The following GLCE variants were observed in gnomAD, a reference collection of about 807,000 sequenced individuals.
GLCE encodes the protein glucuronic acid epimerase.
In GLCE, 19 loss-of-function variants were observed where a neutral mutation model predicts 47.9. The observed-to-expected ratio is 0.40, with a 90% CI of 0.28 to 0.58. GLCE has a LOEUF of 0.58. GLCE is among the 20% of genes least tolerant of loss of function. The pLI, the probability that GLCE is intolerant of heterozygous loss-of-function variation, is 0.48. For missense variants in GLCE, 556 were observed against 743.3 expected (o/e 0.75, Z 2.93); for synonymous variants, 245 against 263.4 (o/e 0.93, Z 0.68).
rs142170119 is a variant in GLCE, at chr15:69,254,943, A to G, written c.-13-851A>G. Among the ~76,000 whole-genome samples, 644 of 152,236 alleles carry G rather than the reference A, an allele frequency of 4.2e-3. 1 individual carries two copies. Among genetic ancestry groups the G allele is most frequent in the Middle Eastern group, 0.01 (3 of 294 alleles). On this transcript the variant is annotated intron_variant, in intron 2 of 4. Transcript: ENST00000261858. ...GCCCTAAGGTACTCTAACATTTAAG[A>G]ATTAGGGAGATGAAAAGGAAGACTC...
intron 4 of GLCE, among the ~76,000 whole-genome samples, chr15:69,263,453 G>A (rs950271658): frequency 1.3e-5 from 2 of 151,470 alleles, no homozygotes; most frequent in African/African-American, 4.9e-5. Context: ...CTTGGCCTTC[G>A]ATTTTTTTTT....
chr15:69,175,245 A>AAAAAT lies in GLCE; in HGVS notation c.-105+14490_-105+14491insAATAA, dbSNP rs1408530277. Among the ~76,000 whole-genome samples, 6 of 152,294 alleles carry AAAAAT rather than the reference A, an allele frequency of 3.9e-5. No individual in the cohort carries two copies. The East Asian group carries it at 9.6e-4, about 24-fold the overall frequency. On this transcript the variant is annotated intron_variant, in intron 1 of 4. Transcript: ENST00000261858. Reference sequence around the variant, plus strand: ...CCACTTTAAAAATGAAAAATAAGAAAAAGATTTTTCCATCATCCTCACATT... The same window carrying AAAAAT: ...CCACTTTAAAAATGAAAAATAAGAAAAAAATAAGATTTTTCCATCATCCTCACATT...
At chr15:69,223,091 A>G (rs987820981) in intron 2 of GLCE, among the ~76,000 whole-genome samples, 5 of 152,236 alleles carry the variant, frequency 3.3e-5, no homozygotes, top group African/African-American at 1.2e-4. Context: ...TAGGTTGTAT[A>G]GAAAACAAAA....
intron 4 of GLCE, chr15:69,266,803 T>A: frequency 1.8e-6 from 1 of 570,028 alleles, no homozygotes; most frequent in Non-Finnish European, 2.2e-6. Context: ...AAACCTGGAT[T>A]CTAGTCCCTG....
rs754696597 is a variant in GLCE at position 69,256,298 on chromosome 15, G to C, written c.492G>C (p.Gln164His). The C allele has an allele frequency of 6.2e-7, 1 of 1,613,996 alleles. No individual in the cohort carries two copies. The highest frequency in any genetic ancestry group is 1.1e-5 in the South Asian group (1 of 91,068). Residue 164 changes from glutamine to histidine, a missense_variant, in exon 3 of 5, where the codon CAG (glutamine) becomes CAC (histidine). By Grantham distance (24) the Gln-to-His change is conservative. Coordinates refer to ENST00000261858, the MANE Select transcript of GLCE (RefSeq NM_015554.3). ...ATAGCTATTCCAAAGTCTATGCACA[G>C]AGAGCCCCCTATCACCCCGATGGTG... ...FSHSYSKVYA[Q>H]RAPYHPDGVF... is the part of the protein sequence containing the mutation.
rs770703255 is a variant in GLCE, at chr15:69,255,935, G to A, written c.129G>A (p.Ser43=). Residue 43 remains serine, a synonymous_variant, in exon 3 of 5, where the codon TCG becomes TCA. Transcript: ENST00000261858. ...AAGCAATCCAGTTTCCACGGCGTTC[G>A]AGTAGTGGCTTCAGAGTGGATGGGT... The part of the protein sequence containing the change: ...SDKAIQFPRR[S]SSGFRVDGFE... The A allele has an allele frequency of 8.7e-5, 141 of 1,613,886 alleles. No individual in the cohort carries two copies. In the South Asian group the frequency reaches 1.4e-3, roughly 16 times the overall value.
intron 1 of GLCE, among the ~76,000 whole-genome samples, chr15:69,188,325 T>C (rs2051859739): frequency 6.6e-6 from 1 of 152,212 alleles, no homozygotes; most frequent in South Asian, 2.1e-4. Context: ...ATTTATGTCA[T>C]ATTAAGTATT....
chr15:69,263,140 T>G (rs2053037081), intron 4 of GLCE, among the ~76,000 whole-genome samples: 2 of 152,184 alleles, frequency 1.3e-5, no homozygotes. Flanking sequence ...TTCGGATTTT[T>G]GAACTAAGGA....
At chr15:69,219,712 T>G (rs2052353772) in intron 2 of GLCE, among the ~76,000 whole-genome samples, 1 of 152,200 alleles carries the variant, frequency 6.6e-6, no homozygotes, top group Non-Finnish European at 1.5e-5. Context: ...TTGTTTTCAC[T>G]TGTTTAAATT....
chr15:69,237,368 G>C (rs893991272), intron 2 of GLCE, among the ~76,000 whole-genome samples: 64 of 152,266 alleles, frequency 4.2e-4, no homozygotes, highest in African/African-American at 1.5e-3. Flanking sequence ...GCCAAGGCAG[G>C]TGGATCACCT....
At chr15:69,222,342 G>T (rs555031329) in intron 2 of GLCE, among the ~76,000 whole-genome samples, 9 of 152,204 alleles carry the variant, frequency 5.9e-5, no homozygotes, top group Non-Finnish European at 1.3e-4. Flanking sequence ...GGGTGGTGGA[G>T]GCACCACGGG....
chr15:69,201,779 G>A (rs2052079317), intron 1 of GLCE, among the ~76,000 whole-genome samples: 2 of 151,634 alleles, frequency 1.3e-5, no homozygotes, highest in African/African-American at 4.8e-5. Context: ...GACAATTTAA[G>A]ATTTAATCAG....
intron 2 of GLCE, among the ~76,000 whole-genome samples, chr15:69,249,412 C>A (rs1287538967): frequency 6.6e-6 from 1 of 152,114 alleles, no homozygotes; most frequent in Non-Finnish European, 1.5e-5. Flanking sequence ...TAATGCCTTA[C>A]CTGCCACATA....
At chr15:69,236,887 G>A (rs2052599859) in intron 2 of GLCE, among the ~76,000 whole-genome samples, 1 of 152,096 alleles carries the variant, frequency 6.6e-6, no homozygotes, top group Non-Finnish European at 1.5e-5. Context: ...AGAATTAAGT[G>A]GGATTACATT....
chr15:69,259,351 T>A (rs1263270365), intron 3 of GLCE, among the ~76,000 whole-genome samples: 3 of 152,200 alleles, frequency 2.0e-5, no homozygotes. Flanking sequence ...TTAGTTCCAT[T>A]TATTAAACTT....
At chr15:69,171,871 C>G (rs966576193) in intron 1 of GLCE, among the ~76,000 whole-genome samples, 1 of 152,006 alleles carries the variant, frequency 6.6e-6, no homozygotes, top group African/African-American at 2.4e-5. Flanking sequence ...CTCTAAGGGC[C>G]GCTGAAAGAA....
intron 1 of GLCE, among the ~76,000 whole-genome samples, chr15:69,161,408 G>A (rs2051418605): frequency 6.6e-6 from 1 of 152,074 alleles, no homozygotes; most frequent in Admixed American, 6.5e-5. Flanking sequence ...TGGGGGCTGA[G>A]GGTGTGTAGC....
chr15:69,172,747 C>G (rs1397611431), intron 1 of GLCE, among the ~76,000 whole-genome samples: 2 of 152,158 alleles, frequency 1.3e-5, no homozygotes, highest in African/African-American at 4.8e-5. Flanking sequence ...CCTCAAGAAG[C>G]TATCATGTCC....
intron 1 of GLCE, among the ~76,000 whole-genome samples, chr15:69,207,259 T>G (rs2052165411): frequency 6.6e-6 from 1 of 152,134 alleles, no homozygotes; most frequent in Non-Finnish European, 1.5e-5. Flanking sequence ...TGTTGATTTT[T>G]TAAAATTTGC....
Sources: gnomAD v4.1 joint callset for allele counts (sites outside exome capture counted in the v4.1 genomes callset) on GRCh38, gnomAD v4.1.1 for gene constraint, MANE v1.5 for transcripts, NCBI Gene and HGNC (gene_info 2026-07-23, HGNC 2026-07-21) for gene names.